ALK: variants seen among roughly 807,000 people sequenced by gnomAD.
ALK encodes the protein ALK receptor tyrosine kinase.
A neutral mutation model predicts 163.1 loss-of-function variants in ALK; 74 were observed. The ratio of observed to expected loss-of-function variants is 0.45; its 90% CI spans 0.38 to 0.55. ALK has a LOEUF of 0.55. Among genes scored for constraint, ALK ranks in the 20% least tolerant of loss-of-function variants. The pLI is 0.00. For synonymous variants in ALK, 960 were observed against 843.2 expected, an observed-to-expected ratio of 1.14 and a Z score of -2.40; for missense variants, 2,063 against 2,105.3, an observed-to-expected ratio of 0.98 and a Z score of 0.39.
chr2:29,254,763 C>T (rs1157718319), intron 11 of ALK, among the ~76,000 whole-genome samples: 5 of 152,164 alleles, frequency 3.3e-5, no homozygotes, highest in East Asian at 1.9e-4. Flanking sequence ...CAGTTTAAAA[C>T]GTGTGTAACT....
chr2:29,281,666 G>A (rs965556267), intron 9 of ALK, among the ~76,000 whole-genome samples: 3 of 152,112 alleles, frequency 2.0e-5, no homozygotes, highest in Non-Finnish European at 2.9e-5. Context: ...GAATGCATTC[G>A]CCCTGACTCT....
intron 1 of ALK, among the ~76,000 whole-genome samples, chr2:29,760,811 T>C (rs572478859): frequency 7.2e-5 from 11 of 152,308 alleles, no homozygotes; most frequent in East Asian, 3.9e-4. Flanking sequence ...CAAAAACCTA[T>C]AGTAAAACCA....
chr2:29,580,304 C>T (rs931697160), intron 3 of ALK, among the ~76,000 whole-genome samples: 5 of 152,196 alleles, frequency 3.3e-5, no homozygotes, highest in African/African-American at 9.7e-5. Context: ...ATTATCCCAA[C>T]ATCTGAAAAG....
intron 4 of ALK, among the ~76,000 whole-genome samples, chr2:29,444,293 C>T (rs1670616711): frequency 6.6e-6 from 1 of 152,144 alleles, no homozygotes; most frequent in Admixed American, 6.5e-5. Context: ...ATGATACTGG[C>T]TGGTGCAAGA....
chr2:29,538,326 G>A (rs1673317020), intron 3 of ALK, among the ~76,000 whole-genome samples: 3 of 152,126 alleles, frequency 2.0e-5, no homozygotes, highest in African/African-American at 7.2e-5. Context: ...CTCATGAATG[G>A]TTTAATACAA....
At position 29,787,830 on chromosome 2, in the gene ALK, A is replaced by G. The variant is rs148564043; in HGVS notation, c.668-70133T>C. Reference sequence around the variant, plus strand: ...ACCTACATCCCAACCAAATGTCCCAACCAAAGAAGAATGGAATCAAAATCA... The same window carrying G: ...ACCTACATCCCAACCAAATGTCCCAGCCAAAGAAGAATGGAATCAAAATCA... On this transcript the variant is annotated intron_variant, in intron 1 of 28. Coordinates refer to ENST00000389048, the MANE Select transcript of ALK (RefSeq NM_004304.5). Among the ~76,000 whole-genome samples, 129 of 152,344 alleles carry G rather than the reference A, an allele frequency of 8.5e-4. 1 individual carries two copies. The East Asian group carries it at 0.023, about 27-fold the overall frequency.
At chr2:29,867,402 G>C (rs1394116876) in intron 1 of ALK, among the ~76,000 whole-genome samples, 1 of 152,142 alleles carries the variant, frequency 6.6e-6, no homozygotes, top group Non-Finnish European at 1.5e-5. Flanking sequence ...ATTAAAAATA[G>C]TCAAAATGGT....
At chr2:29,669,479 A>G (rs1573541595) in intron 3 of ALK, among the ~76,000 whole-genome samples, 1 of 151,932 alleles carries the variant, frequency 6.6e-6, no homozygotes, top group Non-Finnish European at 1.5e-5. Flanking sequence ...CTTTCAGTCT[A>G]TGTGTGTCTT....
intron 9 of ALK, among the ~76,000 whole-genome samples, chr2:29,288,244 T>C (rs1379966091): frequency 6.6e-6 from 1 of 152,186 alleles, no homozygotes; most frequent in Non-Finnish European, 1.5e-5. Context: ...GCAGCTCTCC[T>C]GTGCTAATGT....
chr2:29,234,536 C>T (rs1664317524), intron 13 of ALK, among the ~76,000 whole-genome samples: 2 of 152,186 alleles, frequency 1.3e-5, no homozygotes, highest in South Asian at 4.2e-4. Flanking sequence ...GAATCCCTGG[C>T]ACACCCCTCT....
rs140682122 is a variant in ALK at position 29,436,130 on chromosome 2, G to A, written c.1155-52271C>T. ...TTTGGGTCTTTACCCAAAACACAGT[G>A]GAAATGAGCTAACCAATAAAGGAAA... is the stretch of plus-strand genomic sequence containing the variant. On this transcript the variant is annotated intron_variant, in intron 4 of 28. Coordinates refer to ENST00000389048, the MANE Select transcript of ALK (RefSeq NM_004304.5). Among the ~76,000 whole-genome samples, 3 of 152,142 alleles carry A rather than the reference G, an allele frequency of 2.0e-5. No individual in the cohort carries two copies. The East Asian group carries it at 5.8e-4, about 29-fold the overall frequency.
At chr2:29,753,943 C>A (rs897362093) in intron 1 of ALK, among the ~76,000 whole-genome samples, 7 of 152,148 alleles carry the variant, frequency 4.6e-5, no homozygotes, top group Middle Eastern at 3.2e-3. Flanking sequence ...TGTTTTACAT[C>A]TTGTTATTTC....
At chr2:29,277,778 G>GGACA (rs764119181) in intron 9 of ALK, among the ~76,000 whole-genome samples, 1 of 152,202 alleles carries the variant, frequency 6.6e-6, no homozygotes, top group African/African-American at 2.4e-5. Flanking sequence ...AAGAGGGGAT[G>GGACA]GACAGCACAA....
chr2:29,609,395 T>C (rs1675628481), intron 3 of ALK, among the ~76,000 whole-genome samples: 1 of 152,176 alleles, frequency 6.6e-6, no homozygotes, highest in Non-Finnish European at 1.5e-5. Context: ...AGGCAGGGGC[T>C]CTGTGACAAC....
chr2:29,919,403 G>A (rs907373505), intron 1 of ALK, among the ~76,000 whole-genome samples: 3 of 148,990 alleles, frequency 2.0e-5, no homozygotes, highest in African/African-American at 4.9e-5. Context: ...GAGAAAGGAT[G>A]AGTCGAGAGT....
chr2:29,598,231 G>A (rs1675270572), intron 3 of ALK, among the ~76,000 whole-genome samples: 1 of 152,292 alleles, frequency 6.6e-6, no homozygotes, highest in Non-Finnish European at 1.5e-5. Flanking sequence ...TCACCATGTT[G>A]GCCAGGCTGC....
intron 9 of ALK, among the ~76,000 whole-genome samples, chr2:29,284,693 C>T (rs571998003): frequency 6.6e-6 from 1 of 152,244 alleles, no homozygotes; most frequent in South Asian, 2.1e-4. Flanking sequence ...AGTAAATCAG[C>T]GTTAGAAATA....
chr2:29,460,807 A>C (rs926683197), intron 4 of ALK, among the ~76,000 whole-genome samples: 20 of 152,170 alleles, frequency 1.3e-4, no homozygotes, highest in Non-Finnish European at 2.1e-4. Context: ...TGTTCAAGTG[A>C]AAGGAAGCGT....
intron 3 of ALK, among the ~76,000 whole-genome samples, chr2:29,645,283 C>T (rs532300620): frequency 3.9e-4 from 59 of 152,178 alleles, no homozygotes; most frequent in African/African-American, 1.3e-3. Context: ...ATATTACACA[C>T]GGAACAAAAC....
Sources: gnomAD v4.1 joint callset for allele counts (sites outside exome capture counted in the v4.1 genomes callset) on GRCh38, gnomAD v4.1.1 for gene constraint, MANE v1.5 for transcripts, NCBI Gene and HGNC (gene_info 2026-07-23, HGNC 2026-07-21) for gene names.